The following ATP2B4 variants were observed in gnomAD, a reference collection of about 807,000 sequenced individuals.
The protein encoded by ATP2B4 is plasma membrane calcium-transporting ATPase 4.
Under a neutral mutation model 110.3 loss-of-function variants are expected in ATP2B4, and 39 were observed. The ratio of observed to expected loss-of-function variants is 0.35; its 90% CI spans 0.27 to 0.46. ATP2B4 has a LOEUF of 0.46. Among genes scored for constraint, ATP2B4 ranks in the 20% least tolerant of loss-of-function variants. The pLI is 1.00. For synonymous variants in ATP2B4, 538 were observed against 571.7 expected (o/e 0.94, Z 0.84); for missense variants, 1,135 against 1,530.9 (o/e 0.74, Z 4.32).
chr1:203,735,086 T>G (rs138433363), intron 20 of ATP2B4, among the ~76,000 whole-genome samples: 61 of 137,056 alleles, frequency 4.5e-4, no homozygotes, highest in African/African-American at 1.6e-3. Context: ...AGAGTCAAAA[T>G]AACATTTTTT....
Position 203,722,638 on chromosome 1 carries a change from C to T in ATP2B4, c.2973C>T (p.Ile991=), listed in dbSNP as rs139111192. The T allele has an allele frequency of 8.7e-4, 1,404 of 1,614,184 alleles. 1 individual carries two copies. The highest frequency in any genetic ancestry group is 1.4e-3 in the African/African-American group (105 of 75,036). ...GAGAGAAGAACGTCTTTTCAGGCAT[C>T]TACCGCAACATTATCTTCTGCTCTG... ...IHGEKNVFSG[I]YRNIIFCSVV... Residue 991 remains isoleucine, a synonymous_variant, in exon 18 of 21, where the codon ATC becomes ATT. Transcript: ENST00000357681.
chr1:203,638,066 T>C (rs760625536), intron 1 of ATP2B4, among the ~76,000 whole-genome samples: 2 of 151,916 alleles, frequency 1.3e-5, no homozygotes, highest in Non-Finnish European at 1.5e-5. Flanking sequence ...AAATTATTCA[T>C]GGAGGAGGTG....
intron 15 of ATP2B4, among the ~76,000 whole-genome samples, chr1:203,717,059 A>G (rs1666176262): frequency 8.6e-6 from 1 of 116,940 alleles, no homozygotes; most frequent in Non-Finnish European, 2.0e-5. Flanking sequence ...TTAGCTGGGC[A>G]TGATGGCGGG....
intron 20 of ATP2B4, among the ~76,000 whole-genome samples, chr1:203,735,789 TC>T (rs1184355548): frequency 6.6e-6 from 1 of 152,238 alleles, no homozygotes; most frequent in African/African-American, 2.4e-5. Context: ...AGTTCTGCCA[TC>T]CCCTTCTAAC....
At position 203,684,353 on chromosome 1, in the gene ATP2B4, ATTT is replaced by A. The variant is rs56376451; in HGVS notation, c.193+972_193+974del. ...GGTGACATAATAACACCCCATCTCT[ATTT>A]TTTTTTTTTTTTTTTTGGAGACAGA... On this transcript the variant is annotated intron_variant, in intron 2 of 20. Transcript: ENST00000357681. Among the ~76,000 whole-genome samples the A allele has an allele frequency of 4.2e-3, 522 of 125,392 alleles. 3 individuals carry two copies. The highest frequency in any genetic ancestry group is 0.013 in the African/African-American group (443 of 33,902). 82.3% of individuals were successfully genotyped at this position (125,392 alleles called of 152,430 possible).
intron 15 of ATP2B4, among the ~76,000 whole-genome samples, chr1:203,715,565 C>T (rs116185125): frequency 0.018 from 2,543 of 142,052 alleles, 295 homozygotes; most frequent in African/African-American, 0.063. Context: ...AAAAAATTTT[C>T]TTTTCATTAT....
intron 1 of ATP2B4, among the ~76,000 whole-genome samples, chr1:203,659,524 G>T (rs925683123): frequency 6.6e-6 from 1 of 152,042 alleles, no homozygotes; most frequent in Non-Finnish European, 1.5e-5. Flanking sequence ...TTGAAAATTA[G>T]CCAGGCATGG....
intron 1 of ATP2B4, among the ~76,000 whole-genome samples, chr1:203,661,539 G>A (rs1664338637): frequency 6.6e-6 from 1 of 152,122 alleles, no homozygotes; most frequent in South Asian, 2.1e-4. Context: ...GCTGATGATG[G>A]GGTGACTTTG....
chr1:203,696,619 G>A (rs2102380549), intron 2 of ATP2B4, among the ~76,000 whole-genome samples: 1 of 152,354 alleles, frequency 6.6e-6, no homozygotes, highest in East Asian at 1.9e-4. Context: ...ACCATGGTAG[G>A]ATTGCCCCTC....
intron 20 of ATP2B4, among the ~76,000 whole-genome samples, chr1:203,736,284 G>A (rs1666874922): frequency 6.6e-6 from 1 of 152,094 alleles, no homozygotes; most frequent in Admixed American, 6.5e-5. Context: ...GGCCAACATG[G>A]TGAAACCTCA....
At chr1:203,631,899 A>G (rs1336924062) in intron 1 of ATP2B4, among the ~76,000 whole-genome samples, 1 of 152,060 alleles carries the variant, frequency 6.6e-6, no homozygotes, top group Non-Finnish European at 1.5e-5. Context: ...GGTTCAAGCA[A>G]TTCTCCTGTC....
rs1663199337 is a variant in ATP2B4 at position 203,629,590 on chromosome 1, C to A, written c.-465+2371C>A. On this transcript the variant is annotated intron_variant, in intron 1 of 20. Transcript: ENST00000357681. This position sits in a 1 kb window ranked among gnomAD's most constrained non-coding sequence, Gnocchi z 4.6. ...CCGGGGCTCGGGGCAGGATTGACTG[C>A]GCAACCCTGCGGCCCCTGTGCTCTC... 1.3e-5 allele frequency among the ~76,000 whole-genome samples: 2 copies of A among 152,118 alleles called. No individual in the cohort carries two copies. The highest frequency in any genetic ancestry group is 6.5e-5 in the Admixed American group (1 of 15,272).
intron 17 of ATP2B4, among the ~76,000 whole-genome samples, chr1:203,722,053 C>T (rs1362824221): frequency 2.0e-5 from 3 of 152,116 alleles, no homozygotes; most frequent in Admixed American, 6.6e-5. Context: ...TGCCTGACTC[C>T]AGCGCACATA....
chr1:203,638,819 A>G (rs1242704866), intron 1 of ATP2B4, among the ~76,000 whole-genome samples: 1 of 152,214 alleles, frequency 6.6e-6, no homozygotes. Context: ...TCTAGAAACC[A>G]TAAAGGTGCT....
chr1:203,702,636 ATG>A (rs1227781940), intron 7 of ATP2B4, among the ~76,000 whole-genome samples: 4 of 151,770 alleles, frequency 2.6e-5, no homozygotes, highest in East Asian at 1.9e-4. Context: ...TCCTGATCTG[ATG>A]TGTGTGTCTC....
chr1:203,730,480 G>A (rs1666672647), intron 20 of ATP2B4, among the ~76,000 whole-genome samples: 1 of 152,176 alleles, frequency 6.6e-6, no homozygotes, highest in Non-Finnish European at 1.5e-5. Context: ...AAAGCCCCCA[G>A]TGCTTTCCTT....
intron 14 of ATP2B4, among the ~76,000 whole-genome samples, chr1:203,713,717 G>A (rs145879607): frequency 0.016 from 2,437 of 152,172 alleles, 73 homozygotes; most frequent in African/African-American, 0.056. Context: ...CGCCCACCTC[G>A]GCCTCCCAAA....
chr1:203,690,819 C>T (rs1257855625), intron 2 of ATP2B4, among the ~76,000 whole-genome samples: 2 of 152,152 alleles, frequency 1.3e-5, no homozygotes, highest in Non-Finnish European at 2.9e-5. Flanking sequence ...AAATTTTGGG[C>T]AGATGGATTA....
chr1:203,632,559 G>A (rs1663302724), intron 1 of ATP2B4, among the ~76,000 whole-genome samples: 1 of 151,796 alleles, frequency 6.6e-6, no homozygotes, highest in African/African-American at 2.4e-5. Context: ...TAGCCAGGAT[G>A]GTTTCGATCT....
Sources: gnomAD v4.1 joint callset for allele counts (sites outside exome capture counted in the v4.1 genomes callset) on GRCh38, gnomAD v4.1.1 for gene constraint, Gnocchi (gnomAD v3.1) non-coding constraint, MANE v1.5 for transcripts, NCBI Gene and HGNC (gene_info 2026-07-23, HGNC 2026-07-21) for gene names.